The following ADCY2 variants were observed in gnomAD, a reference collection of about 807,000 sequenced individuals.
ADCY2 encodes adenylate cyclase type 2.
Under a neutral mutation model 125.2 loss-of-function variants are expected in ADCY2, and 31 were observed. That is an observed-to-expected ratio of 0.25 (90% CI 0.19 to 0.33). ADCY2 has a LOEUF of 0.33. Ranked by LOEUF, ADCY2 falls within the 10% of genes least tolerant of loss-of-function variation. The probability of loss-of-function intolerance (pLI) is 1.00; values close to 1 mark genes in which losing one functional copy is unlikely to be tolerated. For synonymous variants in ADCY2, 512 were observed against 548.4 expected (o/e 0.93, Z 0.93); for missense variants, 904 against 1,418.2 (o/e 0.64, Z 5.82).
At chr5:7,704,160 A>G (rs1300046165) in intron 7 of ADCY2, among the ~76,000 whole-genome samples, 1 of 151,982 alleles carries the variant, frequency 6.6e-6, no homozygotes, top group Non-Finnish European at 1.5e-5. Flanking sequence ...CGTGCGTGGG[A>G]TGGGTACCAG....
At chr5:7,640,333 G>A (rs1738656361) in intron 4 of ADCY2, among the ~76,000 whole-genome samples, 2 of 152,144 alleles carry the variant, frequency 1.3e-5, no homozygotes, top group African/African-American at 4.8e-5. Flanking sequence ...TTTAGATCAT[G>A]ATCAAAATCT....
At chr5:7,719,234 G>A (rs1284670447) in intron 12 of ADCY2, among the ~76,000 whole-genome samples, 3 of 152,212 alleles carry the variant, frequency 2.0e-5, no homozygotes, top group Middle Eastern at 3.4e-3. Context: ...AATACCTTAT[G>A]TTTTAATGTA....
At chr5:7,447,564 CTTTG>C (rs1470586962) in intron 2 of ADCY2, among the ~76,000 whole-genome samples, 1 of 152,182 alleles carries the variant, frequency 6.6e-6, no homozygotes, top group Non-Finnish European at 1.5e-5. Context: ...TGTTTTTCAG[CTTTG>C]TTTGTCTGCC....
At chr5:7,560,401 G>T (rs1206258635) in intron 3 of ADCY2, among the ~76,000 whole-genome samples, 4 of 152,134 alleles carry the variant, frequency 2.6e-5, no homozygotes, top group Non-Finnish European at 5.9e-5. Context: ...TCTGCCTTTT[G>T]AATGTTTTCA....
At chr5:7,793,267 T>C (rs1443317544) in intron 20 of ADCY2, among the ~76,000 whole-genome samples, 1 of 152,076 alleles carries the variant, frequency 6.6e-6, no homozygotes, top group Non-Finnish European at 1.5e-5. Flanking sequence ...GCCAACATAG[T>C]GAAACCCTGT....
chr5:7,451,724 C>A (rs1473417370), intron 2 of ADCY2, among the ~76,000 whole-genome samples: 1 of 152,074 alleles, frequency 6.6e-6, no homozygotes, highest in African/African-American at 2.4e-5. Context: ...ATGGATGTGG[C>A]AAACTTAATT....
At chr5:7,579,301 C>T (rs144788697) in intron 3 of ADCY2, among the ~76,000 whole-genome samples, 1 of 152,214 alleles carries the variant, frequency 6.6e-6, no homozygotes, top group East Asian at 1.9e-4. Context: ...CCACTCAGTG[C>T]CAGTTGGGAT....
In ADCY2 at chr5:7,469,630, A is replaced by G. The variant is rs116095471; in HGVS notation, c.409-51108A>G. On this transcript the variant is annotated intron_variant, in intron 2 of 24. Coordinates refer to ENST00000338316, the MANE Select transcript of ADCY2 (RefSeq NM_020546.3). ...CTTTGGCTTTAGTTTTATTTCATTT[A>G]TCCTATTCTGATGTTTGACATTTCA... 4.0e-3 allele frequency among the ~76,000 whole-genome samples: 607 copies of G among 151,774 alleles called. 3 individuals carry two copies. The highest frequency in any genetic ancestry group is 8.4e-3 in the African/African-American group (347 of 41,462).
intron 2 of ADCY2, among the ~76,000 whole-genome samples, chr5:7,476,809 A>G (rs1742542017): frequency 6.6e-6 from 1 of 152,224 alleles, no homozygotes; most frequent in Non-Finnish European, 1.5e-5. Context: ...TTATAAGTCA[A>G]TGTCTTGTTT....
chr5:7,492,571 G>A (rs909024102), intron 2 of ADCY2, among the ~76,000 whole-genome samples: 5 of 152,132 alleles, frequency 3.3e-5, no homozygotes, highest in African/African-American at 9.7e-5. Flanking sequence ...TTGAATCATC[G>A]AGCTGCCAGA....
At chr5:7,793,789 T>C (rs1319771220) in intron 20 of ADCY2, 3 of 152,236 alleles carry the variant, frequency 2.0e-5, no homozygotes, top group Admixed American at 6.5e-5. Context: ...AGCATTGATA[T>C]AAATCCCCCT....
chr5:7,656,342 C>T (rs982647234), intron 4 of ADCY2, among the ~76,000 whole-genome samples: 2 of 152,194 alleles, frequency 1.3e-5, no homozygotes, highest in African/African-American at 4.8e-5. Flanking sequence ...GCGTGAGCCA[C>T]GGCACCCGGC....
At chr5:7,813,462 T>C (rs1745005083) in intron 22 of ADCY2, among the ~76,000 whole-genome samples, 1 of 152,234 alleles carries the variant, frequency 6.6e-6, no homozygotes, top group East Asian at 1.9e-4. Flanking sequence ...AAACAACCAG[T>C]TTATAAAATA....
At chr5:7,778,426 A>T (rs1743811257) in intron 18 of ADCY2, among the ~76,000 whole-genome samples, 1 of 152,234 alleles carries the variant, frequency 6.6e-6, no homozygotes, top group African/African-American at 2.4e-5. Context: ...CCTAAAGACC[A>T]ATTAGTTCTG....
intron 4 of ADCY2, among the ~76,000 whole-genome samples, chr5:7,660,792 A>AC (rs985655361): frequency 3.3e-5 from 5 of 151,700 alleles, no homozygotes. Context: ...CATGTTAAAA[A>AC]AAAAATACTT....
In ADCY2 at chr5:7,766,735, A is replaced by G. The variant is rs939700813; in HGVS notation, c.2143A>G (p.Thr715Ala). ...EETIPPTANT[T>A]NTSFSASNNQ... ...AACAATCCCTCCAACTGCCAACACA[A>G]CAAACACAAGCTTTTCAGCCTCAAA... The change falls in exon 17 of 25, where the codon ACA becomes GCA. Residue 715 changes from threonine (T) to alanine (A), a missense_variant. By Grantham distance (58) the Thr-to-Ala change is moderately conservative. Coordinates refer to ENST00000338316, the MANE Select transcript of ADCY2 (RefSeq NM_020546.3). The G allele has an allele frequency of 6.2e-7, 1 of 1,612,430 alleles. No individual in the cohort carries two copies. The highest frequency in any genetic ancestry group is 1.7e-5 in the Admixed American group (1 of 59,502).
chr5:7,513,738 G>A (rs930160170), intron 2 of ADCY2, among the ~76,000 whole-genome samples: 1 of 152,164 alleles, frequency 6.6e-6, no homozygotes, highest in Non-Finnish European at 1.5e-5. Context: ...CTATATTGCG[G>A]TACTATTGTT....
chr5:7,529,216 G>A (rs1734563098), intron 3 of ADCY2, among the ~76,000 whole-genome samples: 2 of 140,358 alleles, frequency 1.4e-5, no homozygotes, highest in South Asian at 5.1e-4. Context: ...GATTATCATG[G>A]CCTCTTCCTA....
chr5:7,714,881 G>A (rs1741549164), intron 11 of ADCY2, among the ~76,000 whole-genome samples: 1 of 152,226 alleles, frequency 6.6e-6, no homozygotes, highest in Non-Finnish European at 1.5e-5. Flanking sequence ...CCCCATGCCT[G>A]CTTAGACCTA....
Sources: gnomAD v4.1 joint callset for allele counts (sites outside exome capture counted in the v4.1 genomes callset) on GRCh38, gnomAD v4.1.1 for gene constraint, MANE v1.5 for transcripts, NCBI Gene and HGNC (gene_info 2026-07-23, HGNC 2026-07-21) for gene names.